The following NRG2 variants were observed in gnomAD, a reference collection of about 807,000 sequenced individuals.
NRG2 encodes pro-neuregulin-2, membrane-bound isoform.
In NRG2, 27 loss-of-function variants were observed where a neutral mutation model predicts 73.9. The observed-to-expected ratio is 0.37, with a 90% CI of 0.27 to 0.50. The LOEUF (loss-of-function observed/expected upper bound fraction) is 0.50. Ranked by LOEUF, NRG2 falls within the 20% of genes least tolerant of loss-of-function variation. The pLI is 0.96. For synonymous variants in NRG2, 532 were observed against 541.0 expected, an observed-to-expected ratio of 0.98 and a Z score of 0.23; for missense variants, 1,126 against 1,210.1, an observed-to-expected ratio of 0.93 and a Z score of 1.03.
Position 139,848,702 on chromosome 5 carries a change from G to A in NRG2, c.1773-5C>T. 6 of 1,515,508 alleles carry A rather than the reference G, an allele frequency of 4.0e-6. No homozygotes were observed. Among genetic ancestry groups the A allele is most frequent in the Non-Finnish European group, 4.4e-6 (5 of 1,140,652 alleles). 93.9% of individuals were successfully genotyped at this position (1,515,508 alleles called of 1,614,324 possible). On this transcript the variant is annotated splice_region_variant and splice_polypyrimidine_tract_variant and intron_variant, in intron 9 of 9. Transcript: ENST00000361474. ...GTGGTCAGGGCCGACACGTACCTGC[G>A]GGGAGAGGCAGAGGCATGGGCCAGG... is the stretch of plus-strand genomic sequence containing the variant.
intron 1 of NRG2, among the ~76,000 whole-genome samples, chr5:139,936,942 C>G (rs566221134): frequency 1.3e-5 from 2 of 152,304 alleles, no homozygotes; most frequent in South Asian, 4.1e-4. Flanking sequence ...GCTGGGATTA[C>G]AGGTGTGCAC....
At chr5:139,932,085 G>A (rs953031947) in intron 1 of NRG2, among the ~76,000 whole-genome samples, 1 of 152,156 alleles carries the variant, frequency 6.6e-6, no homozygotes, top group African/African-American at 2.4e-5. Context: ...CCCCTTTTCG[G>A]TATATCCCCA....
rs1409545677 is a variant in NRG2, at chr5:139,848,155, C to G, written c.2315G>C (p.Gly772Ala). The G allele has an allele frequency of 6.9e-7, 1 of 1,441,766 alleles. No homozygotes were observed. The highest frequency in any genetic ancestry group is 2.4e-4 in the Middle Eastern group (1 of 4,108). 89.3% of individuals were successfully genotyped at this position (1,441,766 alleles called of 1,614,324 possible). ...SLSLSSGSGG[G>A]SASASDDDAD... ...GTCGTCGTCCGACGCCGAGGCTGAGCCGCCGCCCGAGCCGCTGCTCAGCGA... is the reference window on the plus strand; with the variant it reads ...GTCGTCGTCCGACGCCGAGGCTGAGGCGCCGCCCGAGCCGCTGCTCAGCGA... The change falls in exon 10 of 10, where the codon GGC (glycine) becomes GCC (alanine). Residue 772 changes from glycine to alanine, a missense_variant. This residue lies in a region of NRG2 where 402 missense variants were observed against 357.8 expected (regional missense o/e 1.12). Transcript: ENST00000361474.
intron 5 of NRG2, among the ~76,000 whole-genome samples, chr5:139,860,388 C>A (rs909359338): frequency 4.1e-5 from 6 of 146,362 alleles, no homozygotes; most frequent in Admixed American, 3.3e-4. Flanking sequence ...TTTTTTTGTT[C>A]AGAGTGCAGG....
At chr5:140,035,884 G>C (rs1761466473) in intron 1 of NRG2, among the ~76,000 whole-genome samples, 1 of 148,684 alleles carries the variant, frequency 6.7e-6, no homozygotes. Context: ...TCTGGGGAGA[G>C]AAAAAAAAAA....
At chr5:139,967,526 G>A (rs1160908196) in intron 1 of NRG2, among the ~76,000 whole-genome samples, 3 of 152,350 alleles carry the variant, frequency 2.0e-5, no homozygotes, top group East Asian at 3.9e-4. Flanking sequence ...GCAGTTGGTG[G>A]CCAGGTGGGA....
At chr5:139,982,195 C>T (rs976300509) in intron 1 of NRG2, among the ~76,000 whole-genome samples, 1 of 152,136 alleles carries the variant, frequency 6.6e-6, no homozygotes, top group Non-Finnish European at 1.5e-5. Flanking sequence ...ACTCCTCTGC[C>T]TAGAATTCAA....
intron 1 of NRG2, among the ~76,000 whole-genome samples, chr5:139,899,283 C>T (rs1244104115): frequency 1.3e-5 from 2 of 152,120 alleles, no homozygotes; most frequent in African/African-American, 2.4e-5. Flanking sequence ...GGGAGGGGGG[C>T]TTGATAAAAT....
chr5:139,906,196 CG>C (rs1195292741), intron 1 of NRG2, among the ~76,000 whole-genome samples: 1 of 152,020 alleles, frequency 6.6e-6, no homozygotes, highest in African/African-American at 2.4e-5. Context: ...TTAGTAGAGA[CG>C]GTGTTTCACC....
chr5:139,972,773 C>A (rs1580849130), intron 1 of NRG2, among the ~76,000 whole-genome samples: 1 of 152,206 alleles, frequency 6.6e-6, no homozygotes, highest in East Asian at 1.9e-4. Context: ...AGCTGAAAAA[C>A]TCTATACAGC....
intron 1 of NRG2, among the ~76,000 whole-genome samples, chr5:140,001,271 C>G (rs964139859): frequency 6.6e-6 from 1 of 152,178 alleles, no homozygotes; most frequent in Non-Finnish European, 1.5e-5. Context: ...TTGTTTGTCC[C>G]TAGTACCTAC....
At chr5:139,873,415 T>G (rs2127079410) in intron 3 of NRG2, among the ~76,000 whole-genome samples, 1 of 152,342 alleles carries the variant, frequency 6.6e-6, no homozygotes, top group Admixed American at 6.5e-5. Context: ...GCCTGCCACT[T>G]GTAAAATCCC....
chr5:139,990,185 AGG>A (rs1336860953), intron 1 of NRG2, among the ~76,000 whole-genome samples: 2 of 152,154 alleles, frequency 1.3e-5, no homozygotes, highest in African/African-American at 4.8e-5. Flanking sequence ...ATATATATCT[AGG>A]CATGTAATTT....
At chr5:139,906,248 C>T (rs1437679374) in intron 1 of NRG2, among the ~76,000 whole-genome samples, 6 of 151,814 alleles carry the variant, frequency 4.0e-5, no homozygotes, top group East Asian at 1.9e-4. Context: ...CCTCCTGATC[C>T]GCCTGCCTCA....
At chr5:139,995,894 T>C (rs895100977) in intron 1 of NRG2, among the ~76,000 whole-genome samples, 4 of 152,194 alleles carry the variant, frequency 2.6e-5, no homozygotes, top group Admixed American at 6.5e-5. Flanking sequence ...CATGTGCTTG[T>C]AGTCCTAGGT....
chr5:140,042,352 A>C lies in NRG2; in HGVS notation c.700+18T>G. The C allele has an allele frequency of 6.8e-7, 1 of 1,481,062 alleles. No homozygotes were observed. Among genetic ancestry groups the C allele is most frequent in the Non-Finnish European group, 9.1e-7 (1 of 1,101,808 alleles). 91.7% of individuals were successfully genotyped at this position (1,481,062 alleles called of 1,614,324 possible). On this transcript the variant is annotated intron_variant, in intron 1 of 9. Transcript: ENST00000361474. ...CGCCCCTCCCCCCTTTCTCCAGCAA[A>C]GGGAGGGGGCGACTCACCGCAGTCA...
chr5:139,867,320 T>G (rs540570725), intron 4 of NRG2, among the ~76,000 whole-genome samples: 17 of 152,038 alleles, frequency 1.1e-4, no homozygotes, highest in Non-Finnish European at 1.8e-4. Flanking sequence ...AGTGTGTGTG[T>G]GGGTATGCCT....
Position 139,848,420 on chromosome 5 carries a change from G to T in NRG2, c.2050C>A (p.Pro684Thr). 2 of 1,285,578 alleles carry T rather than the reference G, an allele frequency of 1.6e-6. No individual in the cohort carries two copies. The highest frequency in any genetic ancestry group is 5.3e-5 in the South Asian group (2 of 37,444). The allele number at this position is 1,285,578 out of a possible 1,614,324, so 79.6% of individuals were successfully genotyped here. Residue 684 changes from proline (P) to threonine (T), a missense_variant, in exon 10 of 10, where the codon CCC becomes ACC. Physicochemically the swap from Pro to Thr is conservative, Grantham distance 38. Coordinates refer to ENST00000361474, the MANE Select transcript of NRG2 (RefSeq NM_004883.3). The part of the protein sequence containing the change: ...YDSYYYPAAG[P>T]GPRRGTCALG... ...GCGCAGGTCCCGCGCCGCGGTCCGG[G>T]CCCCGCCGCGGGGTAATAGTAGCTG... is the stretch of plus-strand genomic sequence containing the variant.
chr5:139,969,030 A>G (rs1030919736), intron 1 of NRG2, among the ~76,000 whole-genome samples: 3 of 152,240 alleles, frequency 2.0e-5, no homozygotes, highest in African/African-American at 7.2e-5. Flanking sequence ...CGGCGCTTGC[A>G]ATCAGCCCAG....
Sources: gnomAD v4.1 joint callset for allele counts (sites outside exome capture counted in the v4.1 genomes callset) on GRCh38, gnomAD v4.1.1 for gene constraint, gnomAD v4.1.1 regional missense constraint, MANE v1.5 for transcripts, NCBI Gene and HGNC (gene_info 2026-07-23, HGNC 2026-07-21) for gene names.